ANKFY1: variants seen among roughly 807,000 people sequenced by gnomAD.
ANKFY1 encodes the protein ankyrin repeat and FYVE domain-containing protein 1.
A neutral mutation model predicts 128.3 loss-of-function variants in ANKFY1; 47 were observed. That is an observed-to-expected ratio of 0.37 (90% confidence interval 0.29 to 0.47). The LOEUF (loss-of-function observed/expected upper bound fraction) is 0.47, where lower values mean the gene tolerates loss of function less well. Ranked by LOEUF, ANKFY1 falls within the 20% of genes least tolerant of loss-of-function variation. ANKFY1 has a pLI of 1.00. For synonymous variants in ANKFY1, 553 were observed against 601.6 expected, an observed-to-expected ratio of 0.92 and a Z score of 1.18; for missense variants, 1,222 against 1,510.6, an observed-to-expected ratio of 0.81 and a Z score of 3.17.
chr17:4,179,557 GA>G, intron 17 of ANKFY1, 163 bp downstream of exon 17: 2 of 895,210 alleles, frequency 2.2e-6, no homozygotes, highest in Non-Finnish European at 1.7e-6. Context: ...CAAAGGCACA[GA>G]GAAGCACAGT....
At chr17:4,210,038 A>G in intron 4 of ANKFY1, 91 bp from the exon 5 acceptor site, 1 of 1,270,942 alleles carries the variant, frequency 7.9e-7, no homozygotes. Context: ...CTGGCTGGCT[A>G]TGTCCTATTA....
intron 7 of ANKFY1, among the ~76,000 whole-genome samples, chr17:4,200,140 C>T (rs1265993586): frequency 6.6e-6 from 1 of 151,490 alleles, no homozygotes; most frequent in African/African-American, 2.4e-5. Context: ...CGGCTCACTG[C>T]AGCCTCAACT....
intron 7 of ANKFY1, among the ~76,000 whole-genome samples, chr17:4,199,906 A>C (rs2059896576): frequency 6.6e-6 from 1 of 152,230 alleles, no homozygotes; most frequent in Non-Finnish European, 1.5e-5. Flanking sequence ...TATGTTTCTT[A>C]AGAAAACAAG....
At chr17:4,227,545 T>A (rs769395825) in intron 3 of ANKFY1, among the ~76,000 whole-genome samples, 1 of 152,208 alleles carries the variant, frequency 6.6e-6, no homozygotes, top group Non-Finnish European at 1.5e-5. Flanking sequence ...AAGAAAAACC[T>A]ACAACTAATC....
At chr17:4,208,176 C>G in intron 5 of ANKFY1, 94 bp from the exon 6 acceptor site, 1 of 1,281,268 alleles carries the variant, frequency 7.8e-7, no homozygotes, top group Non-Finnish European at 1.1e-6. Context: ...CAGTCAGGCC[C>G]TTCTTTAAGG....
intron 3 of ANKFY1, among the ~76,000 whole-genome samples, chr17:4,219,440 C>T (rs1037631127): frequency 5.9e-5 from 9 of 152,170 alleles, no homozygotes; most frequent in African/African-American, 2.2e-4. Context: ...AGCACATGTC[C>T]TAACAAGTCC....
At chr17:4,174,506 A>T (rs1003485594) in intron 19 of ANKFY1, among the ~76,000 whole-genome samples, 1 of 152,162 alleles carries the variant, frequency 6.6e-6, no homozygotes, top group African/African-American at 2.4e-5. Context: ...AAGTAAGTTT[A>T]AAAAACCTTG....
chr17:4,251,284 G>C (rs751685738), intron 1 of ANKFY1, among the ~76,000 whole-genome samples: 1 of 151,948 alleles, frequency 6.6e-6, no homozygotes, highest in Non-Finnish European at 1.5e-5. Flanking sequence ...CTAAACGTAA[G>C]GGTTAAAACT....
chr17:4,261,395 G>A (rs1968407787), intron 1 of ANKFY1, among the ~76,000 whole-genome samples: 2 of 152,172 alleles, frequency 1.3e-5, no homozygotes. Context: ...TGGAAGAATC[G>A]CTTGAACCCA....
chr17:4,258,258 G>C (rs1256606650), intron 1 of ANKFY1, among the ~76,000 whole-genome samples: 1 of 152,194 alleles, frequency 6.6e-6, no homozygotes, highest in Non-Finnish European at 1.5e-5. Context: ...GGGCGCGGTG[G>C]CTCACGCCTG....
Position 4,189,450 on chromosome 17 carries a change from C to A in ANKFY1, c.1402G>T (p.Ala468Ser). 3 of 1,589,422 alleles carry A rather than the reference C, an allele frequency of 1.9e-6. No homozygotes were observed. Among genetic ancestry groups the A allele is most frequent in the Non-Finnish European group, 2.6e-6 (3 of 1,165,002 alleles). The change falls in exon 11 of 25, where the codon GCA becomes TCA. Residue 468 changes from alanine (A) to serine (S), a missense_variant. Physicochemically the swap from Ala to Ser is moderately conservative, Grantham distance 99. Coordinates refer to ENST00000341657, the MANE Select transcript of ANKFY1 (RefSeq NM_001330063.2). The part of the protein sequence containing the change: ...GNCLLQRAAG[A>S]GNEAAALFLA... ...AAAAGAGCTGCTGCCTCGTTTCCTG[C>A]TCCAGCTGCCCGCTGTAGTAAACAG...
In ANKFY1 at chr17:4,169,926, A is replaced by G. The variant is rs559815832; in HGVS notation, c.3287-638T>C. The stretch of plus-strand genomic sequence containing the variant: ...CTGACTGCTCTACATAGACAGGTCC[A>G]CTGAGCTCATGGGGACGGAGCAGCA... On this transcript the variant is annotated intron_variant, in intron 23 of 24. Coordinates refer to ENST00000341657, the MANE Select transcript of ANKFY1 (RefSeq NM_001330063.2). The surrounding 1 kb of genome is among the most constrained non-coding windows in gnomAD (Gnocchi z 5.0). Among the ~76,000 whole-genome samples, 49 of 152,290 alleles carry G rather than the reference A, an allele frequency of 3.2e-4. No individual in the cohort carries two copies. The highest frequency in any genetic ancestry group is 5.2e-4 in the Admixed American group (8 of 15,300).
chr17:4,210,904 C>A lies in ANKFY1; in HGVS notation c.459-957G>T, dbSNP rs369776420. 2.3e-4 allele frequency among the ~76,000 whole-genome samples: 33 copies of A among 143,796 alleles called. 1 individual carries two copies. In the East Asian group the frequency reaches 4.5e-3, roughly 20 times the overall value. 94.3% of individuals were successfully genotyped at this position (143,796 alleles called of 152,430 possible). A position where few individuals can be genotyped will look rare whatever the true frequency, so the allele number is the denominator to read the frequency against. On this transcript the variant is annotated intron_variant, in intron 4 of 24. Coordinates refer to ENST00000341657, the MANE Select transcript of ANKFY1 (RefSeq NM_001330063.2). Reference sequence around the variant, plus strand: ...AAAATTAGCCGGGCATGGTGGCAGGCGCCTGTAGTCCCAGCTACTCAGGAG... The same window carrying A: ...AAAATTAGCCGGGCATGGTGGCAGGAGCCTGTAGTCCCAGCTACTCAGGAG...
At chr17:4,238,600 A>G (rs1374843675) in intron 2 of ANKFY1, among the ~76,000 whole-genome samples, 1 of 151,778 alleles carries the variant, frequency 6.6e-6, no homozygotes, top group Non-Finnish European at 1.5e-5. Flanking sequence ...CGGCCTGCTG[A>G]GTAGCTGGGA....
intron 3 of ANKFY1, among the ~76,000 whole-genome samples, chr17:4,220,823 T>C (rs2060298546): frequency 6.6e-6 from 1 of 152,182 alleles, no homozygotes. Context: ...CTGCTTCCAA[T>C]CTACTTAAGC....
chr17:4,181,430 TA>T lies in ANKFY1; in HGVS notation c.2122-59del. On this transcript the variant is annotated intron_variant, in intron 15 of 24. Coordinates refer to ENST00000341657, the MANE Select transcript of ANKFY1 (RefSeq NM_001330063.2). The surrounding 1 kb of genome is among the most constrained non-coding windows in gnomAD (Gnocchi z 4.9). ...GCTGAGCAAAGGCAAACAGTTTTAT[TA>T]CCAAGTCTGAGCTCTATGTATAGCA... 1 of 1,269,152 alleles carries T rather than the reference TA, an allele frequency of 7.9e-7. No homozygotes were observed. 78.6% of individuals were successfully genotyped at this position (1,269,152 alleles called of 1,614,324 possible).
At chr17:4,172,529 G>A (rs769927329) in intron 22 of ANKFY1, 27 bp downstream of exon 22, 11 of 1,602,758 alleles carry the variant, frequency 6.9e-6, no homozygotes, top group African/African-American at 2.7e-5. Flanking sequence ...CAAGTGAGAC[G>A]GGACATACCC....
chr17:4,242,561 G>A (rs551943910), intron 1 of ANKFY1, 113 bp from the exon 2 acceptor site: 15 of 907,570 alleles, frequency 1.7e-5, no homozygotes, highest in East Asian at 8.6e-5. Flanking sequence ...CCACTTGACC[G>A]TTCCACTCTT....
chr17:4,200,041 T>C (rs764964640), intron 7 of ANKFY1, among the ~76,000 whole-genome samples: 15 of 149,906 alleles, frequency 1.0e-4, no homozygotes, highest in Middle Eastern at 3.5e-3. Context: ...TGAGCTCATA[T>C]CGGGAAAGTT....
Sources: allele counts gnomAD v4.1 joint callset (sites outside exome capture counted in the v4.1 genomes callset), GRCh38; gene constraint gnomAD v4.1.1; non-coding constraint Gnocchi (gnomAD v3.1); transcripts MANE v1.5; gene names NCBI Gene and HGNC (gene_info 2026-07-23, HGNC 2026-07-21).